HTR3B: variants seen among roughly 807,000 people sequenced by gnomAD.
HTR3B encodes the protein 5-hydroxytryptamine receptor 3B.
In HTR3B, 44 loss-of-function variants were observed where a neutral mutation model predicts 42.8. That is an observed-to-expected ratio of 1.03 (90% CI 0.81 to 1.32). The LOEUF is 1.32. Among genes scored for constraint, HTR3B ranks in the 40% most tolerant of loss-of-function variants. The pLI is 0.00. For synonymous variants in HTR3B, 203 were observed against 209.0 expected, an observed-to-expected ratio of 0.97 and a Z score of 0.25; for missense variants, 527 against 536.5, an observed-to-expected ratio of 0.98 and a Z score of 0.17.
intron 3 of HTR3B, 88 bp from the exon 4 acceptor site, chr11:113,931,670 G>C: frequency 1.2e-6 from 1 of 831,456 alleles, no homozygotes; most frequent in Non-Finnish European, 2.0e-6. Flanking sequence ...TGATAAATTG[G>C]ATTATTAATC....
intron 4 of HTR3B, 42 bp downstream of exon 4, chr11:113,931,909 T>G: frequency 1.7e-6 from 2 of 1,168,688 alleles, no homozygotes; most frequent in Non-Finnish European, 2.6e-6. Context: ...TTAGACTGCT[T>G]GGTATAGTCG....
At chr11:113,924,666 C>G (rs571813074) in intron 2 of HTR3B, among the ~76,000 whole-genome samples, 9 of 148,376 alleles carry the variant, frequency 6.1e-5, no homozygotes, top group Non-Finnish European at 1.3e-4. Flanking sequence ...GTGGTGACAC[C>G]TAATCTCGAG....
chr11:113,911,496 T>C (rs1285284037), intron 2 of HTR3B, among the ~76,000 whole-genome samples: 3 of 151,236 alleles, frequency 2.0e-5, no homozygotes, highest in Non-Finnish European at 2.9e-5. Context: ...TCCCAAAGTG[T>C]TGGGATTATA....
Position 113,946,052 on chromosome 11 carries a change from G to C in HTR3B, c.1241G>C (p.Arg414Pro). The C allele has an allele frequency of 6.2e-7, 1 of 1,613,986 alleles. No homozygotes were observed. The highest frequency in any genetic ancestry group is 2.2e-5 in the East Asian group (1 of 44,854). Residue 414 changes from arginine to proline, a missense_variant, in exon 9 of 9, where the codon CGA becomes CCA. Arg to Pro is a moderately radical substitution (Grantham distance 103, BLOSUM62 -2). Transcript: ENST00000260191. ...EWLVLLSRFD[R>P]LLFQSYLFML... Reference sequence around the variant, plus strand: ...CTGGTCCTCCTGTCCCGCTTTGACCGACTGCTCTTCCAAAGCTACCTTTTC... The same window carrying C: ...CTGGTCCTCCTGTCCCGCTTTGACCCACTGCTCTTCCAAAGCTACCTTTTC...
chr11:113,930,295 C>T (rs1287665341), intron 2 of HTR3B, among the ~76,000 whole-genome samples: 1 of 151,896 alleles, frequency 6.6e-6, no homozygotes, highest in Non-Finnish European at 1.5e-5. Flanking sequence ...TTTACTTACT[C>T]CTATGGTTTC....
intron 6 of HTR3B, among the ~76,000 whole-genome samples, chr11:113,939,736 T>C (rs1050704683): frequency 3.3e-5 from 5 of 152,160 alleles, no homozygotes; most frequent in Non-Finnish European, 7.3e-5. Flanking sequence ...ATCTCAGTTG[T>C]ACCCAAGATG....
At chr11:113,921,486 G>A (rs1435341599) in intron 2 of HTR3B, among the ~76,000 whole-genome samples, 1 of 143,384 alleles carries the variant, frequency 7.0e-6, no homozygotes, top group African/African-American at 2.7e-5. Context: ...GGCCGGGCGT[G>A]GTGGTGGGCA....
rs774112420 is a variant in HTR3B at position 113,932,995 on chromosome 11, G to A, written c.598G>A (p.Ala200Thr). Residue 200 changes from alanine (A) to threonine (T), a missense_variant, in exon 6 of 9, where the codon GCG becomes ACG. Transcript: ENST00000260191. ...SPEDIQHDKK[A>T]FLNDSEWELL... The stretch of plus-strand genomic sequence containing the variant: ...AGAAGACATTCAGCATGACAAAAAG[G>A]CGTTTTTGAATGACAGTGAGTGGGA... The A allele has an allele frequency of 6.2e-7, 1 of 1,614,018 alleles. No homozygotes were observed. The highest frequency in any genetic ancestry group is 2.2e-5 in the East Asian group (1 of 44,888).
upstream of HTR3B, among the ~76,000 whole-genome samples, chr11:113,904,329 T>C (rs192317867): frequency 8.3e-4 from 126 of 152,360 alleles, 1 homozygote; most frequent in Admixed American, 9.8e-4. Context: ...AAAGTCAATG[T>C]TTCTTTTAAT....
intron 6 of HTR3B, among the ~76,000 whole-genome samples, chr11:113,937,031 A>C (rs1950097251): frequency 6.6e-6 from 1 of 152,218 alleles, no homozygotes; most frequent in Admixed American, 6.5e-5. Flanking sequence ...TAATATTGCT[A>C]ACACCTGAAG....
intron 2 of HTR3B, among the ~76,000 whole-genome samples, chr11:113,922,705 G>A (rs572270407): frequency 1.6e-4 from 24 of 152,096 alleles, no homozygotes; most frequent in Admixed American, 1.2e-3. Flanking sequence ...ACAGGCGCCC[G>A]CCACTACGCC....
At chr11:113,920,126 T>A (rs1433196486) in intron 2 of HTR3B, among the ~76,000 whole-genome samples, 2 of 151,932 alleles carry the variant, frequency 1.3e-5, no homozygotes. Context: ...CCTCCCGGGT[T>A]CAAGCGATTC....
intron 2 of HTR3B, among the ~76,000 whole-genome samples, chr11:113,931,114 GT>G (rs956361796): frequency 5.3e-5 from 8 of 152,182 alleles, no homozygotes; most frequent in Admixed American, 4.6e-4. Flanking sequence ...ACTAATTAGA[GT>G]GGGAAAGAGA....
At chr11:113,944,529 A>C (rs781193493) in intron 7 of HTR3B, 44 bp from the exon 8 acceptor site, 2 of 1,593,678 alleles carry the variant, frequency 1.3e-6, no homozygotes, top group East Asian at 4.5e-5. Context: ...CTGATGCTGC[A>C]TTTCAGACTG....
At chr11:113,934,207 CA>C (rs1950066431) in intron 6 of HTR3B, among the ~76,000 whole-genome samples, 1 of 152,036 alleles carries the variant, frequency 6.6e-6, no homozygotes, top group South Asian at 2.1e-4. Flanking sequence ...GCCAACATGG[CA>C]AAACCCCATC....
At chr11:113,917,893 G>T (rs989207581) in intron 2 of HTR3B, among the ~76,000 whole-genome samples, 2 of 152,158 alleles carry the variant, frequency 1.3e-5, no homozygotes, top group East Asian at 3.9e-4. Flanking sequence ...GTGAGCCACT[G>T]TGCCCAGCCT....
chr11:113,944,105 C>T (rs954146174), intron 7 of HTR3B, among the ~76,000 whole-genome samples: 3 of 150,958 alleles, frequency 2.0e-5, no homozygotes, highest in Non-Finnish European at 3.0e-5. Flanking sequence ...CTGCAACCTC[C>T]GCCTCCTGGG....
intron 2 of HTR3B, among the ~76,000 whole-genome samples, chr11:113,926,448 T>TTTTCCTTTCCTTTCCTTTCTTTTCC (rs1949973118): frequency 7.4e-6 from 1 of 135,140 alleles, no homozygotes; most frequent in African/African-American, 2.7e-5. Flanking sequence ...ATCAGACTGC[T>TTTTCCTTTCCTTTCCTTTCTTTTCC]TTTCCTTTCC....
chr11:113,924,765 G>T (rs1949952364), intron 2 of HTR3B, among the ~76,000 whole-genome samples: 1 of 151,420 alleles, frequency 6.6e-6, no homozygotes, highest in Non-Finnish European at 1.5e-5. Context: ...GCTCCAAGTT[G>T]TTCCTTGGGG....
Sources: allele counts gnomAD v4.1 joint callset (sites outside exome capture counted in the v4.1 genomes callset), GRCh38; gene constraint gnomAD v4.1.1; transcripts MANE v1.5; gene names NCBI Gene and HGNC (gene_info 2026-07-23, HGNC 2026-07-21).